AVL9: variants seen among roughly 807,000 people sequenced by gnomAD.
AVL9 encodes the protein late secretory pathway protein AVL9 homolog.
Under a neutral mutation model 79.2 loss-of-function variants are expected in AVL9, and 49 were observed. That is an observed-to-expected ratio of 0.62 (90% CI 0.49 to 0.79). The LOEUF is 0.79. Ranked by LOEUF, AVL9 falls within the 30% of genes least tolerant of loss-of-function variation. AVL9 has a pLI of 0.00. For synonymous variants in AVL9, 299 were observed against 280.6 expected (o/e 1.07, Z -0.65); for missense variants, 682 against 776.8 (o/e 0.88, Z 1.45).
chr7:32,551,788 A>G (rs1789839870), intron 5 of AVL9, among the ~76,000 whole-genome samples: 1 of 151,946 alleles, frequency 6.6e-6, no homozygotes, highest in Admixed American at 6.6e-5. Flanking sequence ...CAATACATAG[A>G]TCAGAAAAAC....
rs375728357 is a variant in AVL9 at position 32,540,929 on chromosome 7, C to T, written c.94-2212C>T. On this transcript the variant is annotated intron_variant, in intron 1 of 15. Coordinates refer to ENST00000318709, the MANE Select transcript of AVL9 (RefSeq NM_015060.3). ...TTTTTTTTTTTTTGAGACGGAGTCT[C>T]GCTCTGTCGCCCAGGCTGGAGTGCA... 3.6e-3 allele frequency among the ~76,000 whole-genome samples: 386 copies of T among 107,124 alleles called. 3 individuals carry two copies. The highest frequency in any genetic ancestry group is 0.013 in the African/African-American group (356 of 28,404). 70.3% of individuals were successfully genotyped at this position (107,124 alleles called of 152,430 possible). A position where few individuals can be genotyped will look rare whatever the true frequency, so the allele number is the denominator to read the frequency against.
intron 1 of AVL9, among the ~76,000 whole-genome samples, chr7:32,517,592 C>A (rs941077555): frequency 6.6e-6 from 1 of 152,052 alleles, no homozygotes; most frequent in Non-Finnish European, 1.5e-5. Context: ...GCATTAGCCA[C>A]CACGCCTGGC....
At chr7:32,557,865 T>TTG (rs1554343391) in intron 8 of AVL9, among the ~76,000 whole-genome samples, 1 of 148,120 alleles carries the variant, frequency 6.8e-6, no homozygotes, top group African/African-American at 2.5e-5. Flanking sequence ...TTTTTTTTTT[T>TTG]TTTTTTTTGA....
At chr7:32,546,809 C>T (rs899121527) in intron 3 of AVL9, among the ~76,000 whole-genome samples, 1 of 151,654 alleles carries the variant, frequency 6.6e-6, no homozygotes, top group Non-Finnish European at 1.5e-5. Context: ...GGCAGCAGAG[C>T]GAGACTCCCT....
At chr7:32,513,520 G>A (rs1210439525) in intron 1 of AVL9, among the ~76,000 whole-genome samples, 1 of 152,228 alleles carries the variant, frequency 6.6e-6, no homozygotes, top group Non-Finnish European at 1.5e-5. Context: ...ATGTTTAAGT[G>A]TACCTATGAC....
At chr7:32,523,757 G>A (rs565877543) in intron 1 of AVL9, among the ~76,000 whole-genome samples, 143 of 131,176 alleles carry the variant, frequency 1.1e-3, no homozygotes, top group Admixed American at 4.0e-3. Context: ...TTTTTGAGAC[G>A]GAGTCTTGCT....
chr7:32,552,382 T>A (rs759895506), intron 6 of AVL9, 87 bp downstream of exon 6: 21 of 755,028 alleles, frequency 2.8e-5, no homozygotes, highest in Non-Finnish European at 3.9e-5. Flanking sequence ...TTGATTAGAA[T>A]TACATCTCTA....
intron 10 of AVL9, 78 bp from the exon 11 acceptor site, chr7:32,569,942 A>T: frequency 7.0e-7 from 1 of 1,420,728 alleles, no homozygotes; most frequent in Non-Finnish European, 9.8e-7. Flanking sequence ...TTCTTTTCCT[A>T]CTGTTAGCTC....
At position 32,586,472 on chromosome 7, in the gene AVL9, C is replaced by CCAA. The variant is rs1554350214; in HGVS notation, c.*2567_*2568insACA. ...CCCCTGGTCCTGTGACCCCCCCCCC[C>CCAA]CACACACACACATACTTCAGGCTTG... On this transcript the variant is annotated 3_prime_UTR_variant, in exon 16 of 16. Coordinates refer to ENST00000318709, the MANE Select transcript of AVL9 (RefSeq NM_015060.3). 81 of 143,066 alleles carry CCAA rather than the reference C, an allele frequency of 5.7e-4. 2 individuals are homozygous for CCAA. Among genetic ancestry groups the CCAA allele is most frequent in the Non-Finnish European group, 9.0e-4 (58 of 64,298 alleles). The allele number at this position is 143,066 out of a possible 1,614,324, so 8.9% of individuals were successfully genotyped here.
intron 3 of AVL9, among the ~76,000 whole-genome samples, chr7:32,546,100 C>G: frequency 8.2e-6 from 1 of 121,786 alleles, no homozygotes; most frequent in East Asian, 2.3e-4. Context: ...CTGTACCTAG[C>G]TTTTCCTCCT....
At chr7:32,506,456 G>A (rs1046669879) in intron 1 of AVL9, among the ~76,000 whole-genome samples, 3 of 152,202 alleles carry the variant, frequency 2.0e-5, no homozygotes, top group Admixed American at 6.5e-5. Flanking sequence ...TAAGCTGGTT[G>A]ATGGGATGAT....
At chr7:32,544,169 ATC>A (rs1789357307) in intron 2 of AVL9, among the ~76,000 whole-genome samples, 1 of 152,218 alleles carries the variant, frequency 6.6e-6, no homozygotes, top group Non-Finnish European at 1.5e-5. Context: ...TGTCTGTACT[ATC>A]TATCTGAAAG....
At chr7:32,541,167 C>G (rs1456832969) in intron 1 of AVL9, among the ~76,000 whole-genome samples, 5 of 152,078 alleles carry the variant, frequency 3.3e-5, no homozygotes, top group Non-Finnish European at 7.4e-5. Flanking sequence ...TCCCAAAGTG[C>G]TGGGATTACA....
At chr7:32,529,796 C>T (rs1039454507) in intron 1 of AVL9, among the ~76,000 whole-genome samples, 2 of 152,154 alleles carry the variant, frequency 1.3e-5, no homozygotes, top group Admixed American at 6.5e-5. Context: ...TAACAAATAT[C>T]CAGATCAAAA....
intron 1 of AVL9, among the ~76,000 whole-genome samples, chr7:32,511,606 G>A (rs1029976391): frequency 6.6e-6 from 1 of 152,104 alleles, no homozygotes; most frequent in Admixed American, 6.5e-5. Flanking sequence ...CTGACGAGCA[G>A]GGCGGTGGCA....
rs765606648 is a variant in AVL9 at position 32,543,175 on chromosome 7, A to G, written c.128A>G (p.Asp43Gly). 4 of 1,613,944 alleles carry G rather than the reference A, an allele frequency of 2.5e-6. No individual in the cohort carries two copies. In the East Asian group the frequency reaches 8.9e-5, roughly 36 times the overall value. ...EFSYPPLIPG[D>G]GHDSHTLPEE... Reference sequence around the variant, plus strand: ...TCTTACCCGCCCCTGATTCCAGGAGATGGACATGACAGCCACACTTTACCT... The same window carrying G: ...TCTTACCCGCCCCTGATTCCAGGAGGTGGACATGACAGCCACACTTTACCT... Residue 43 changes from aspartate (D) to glycine (G), a missense_variant, in exon 2 of 16, where the codon GAT (aspartate) becomes GGT (glycine). Transcript: ENST00000318709.
chr7:32,574,726 A>C (rs1791009419), intron 12 of AVL9, among the ~76,000 whole-genome samples: 1 of 10,206 alleles, frequency 9.8e-5, no homozygotes, highest in Non-Finnish European at 2.0e-4. Flanking sequence ...AGAGGTTCAT[A>C]AGAGGCTTAG....
intron 4 of AVL9, among the ~76,000 whole-genome samples, chr7:32,550,853 G>A (rs1456225689): frequency 6.6e-6 from 1 of 152,166 alleles, no homozygotes; most frequent in Non-Finnish European, 1.5e-5. Flanking sequence ...ATGATTAAAT[G>A]TCGCTACAGG....
rs1479082614 is a variant in AVL9, at chr7:32,544,699, G to A, written c.220G>A (p.Val74Met). ...DGAHNYQEDT[V>M]FFHLPPRNGN... ...TTTTTCTATGTATCTCTTAGATACT[G>A]TGTTTTTTCACTTGCCACCCAGAAA... is the stretch of plus-strand genomic sequence containing the variant. The change falls in exon 3 of 16, where the codon GTG (valine) becomes ATG (methionine). Residue 74 changes from valine (V) to methionine (M), a missense_variant. Physicochemically the swap from Val to Met is conservative, Grantham distance 21. Coordinates refer to ENST00000318709, the MANE Select transcript of AVL9 (RefSeq NM_015060.3). 2.5e-6 allele frequency: 4 copies of A among 1,612,122 alleles called. No individual in the cohort carries two copies.
Sources: gnomAD v4.1 joint callset for allele counts (sites outside exome capture counted in the v4.1 genomes callset) on GRCh38, gnomAD v4.1.1 for gene constraint, MANE v1.5 for transcripts, NCBI Gene and HGNC (gene_info 2026-07-23, HGNC 2026-07-21) for gene names.